CSMD2: variants seen among roughly 807,000 people sequenced by gnomAD.
CSMD2 encodes the protein CUB and Sushi multiple domains 2.
Under a neutral mutation model 398.5 loss-of-function variants are expected in CSMD2, and 130 were observed. The ratio of observed to expected loss-of-function variants is 0.33; its 90% CI spans 0.28 to 0.38. The LOEUF (loss-of-function observed/expected upper bound fraction) is 0.38, where lower values mean the gene tolerates loss of function less well. Ranked by LOEUF, CSMD2 falls within the 10% of genes least tolerant of loss-of-function variation. CSMD2 has a pLI of 1.00. For missense variants in CSMD2, 3,829 were observed against 4,764.9 expected, an observed-to-expected ratio of 0.80 and a Z score of 5.78; for synonymous variants, 1,828 against 1,908.5, an observed-to-expected ratio of 0.96 and a Z score of 1.10.
In CSMD2 at chr1:33,679,288, G is replaced by A. The variant is rs893900323; in HGVS notation, c.4052+13642C>T. ...GCCATCTTGGCTCACTGCAATCTCCGCCCCCTGGGTTCAAGCGATTCTCCT... is the reference window on the plus strand; with the variant it reads ...GCCATCTTGGCTCACTGCAATCTCCACCCCCTGGGTTCAAGCGATTCTCCT... On this transcript the variant is annotated intron_variant, in intron 25 of 70. Coordinates refer to ENST00000373381, the MANE Select transcript of CSMD2 (RefSeq NM_001281956.2). Among the ~76,000 whole-genome samples, 14 of 137,416 alleles carry A rather than the reference G, an allele frequency of 1.0e-4. No individual in the cohort carries two copies. The South Asian group carries it at 1.6e-3, about 16-fold the overall frequency. 90.2% of individuals were successfully genotyped at this position (137,416 alleles called of 152,430 possible).
chr1:33,626,620 C>G, intron 32 of CSMD2, 39 bp from the exon 33 acceptor site: 1 of 1,473,186 alleles, frequency 6.8e-7, no homozygotes, highest in Non-Finnish European at 9.3e-7. Context: ...AACAGTGAGT[C>G]CAGCAGGTGG....
At chr1:33,804,969 C>T in intron 10 of CSMD2, 1 of 704,706 alleles carries the variant, frequency 1.4e-6, no homozygotes, top group Non-Finnish European at 2.6e-6. Flanking sequence ...ACCAAGGCCC[C>T]ACAGAGATAT....
intron 5 of CSMD2, among the ~76,000 whole-genome samples, chr1:33,917,057 C>T (rs1321342236): frequency 6.6e-6 from 1 of 152,152 alleles, no homozygotes; most frequent in Non-Finnish European, 1.5e-5. Flanking sequence ...GACACCTCCT[C>T]CCACCCCTAT....
chr1:33,581,899 A>G (rs1179502348), intron 47 of CSMD2, among the ~76,000 whole-genome samples: 1 of 152,164 alleles, frequency 6.6e-6, no homozygotes, highest in African/African-American at 2.4e-5. Context: ...ATATTAAACA[A>G]AGTAGAGTCA....
chr1:33,760,970 A>G (rs576634054), intron 13 of CSMD2, among the ~76,000 whole-genome samples: 1 of 152,244 alleles, frequency 6.6e-6, no homozygotes, highest in South Asian at 2.1e-4. Context: ...CTCCTCAAGG[A>G]ATGAACAGGT....
At chr1:33,718,992 G>T (rs1646265769) in intron 19 of CSMD2, among the ~76,000 whole-genome samples, 1 of 152,204 alleles carries the variant, frequency 6.6e-6, no homozygotes, top group Non-Finnish European at 1.5e-5. Context: ...GCCAGGCCTT[G>T]TGCTAAGCAC....
intron 3 of CSMD2, among the ~76,000 whole-genome samples, chr1:34,014,428 T>C (rs1392789252): frequency 6.6e-6 from 1 of 152,230 alleles, no homozygotes; most frequent in Admixed American, 6.5e-5. Context: ...TCTCCCTCAC[T>C]CTGCTCCAGG....
Position 33,629,836 on chromosome 1 carries a change from G to A in CSMD2, c.5201-3255C>T, listed in dbSNP as rs548937597. Among the ~76,000 whole-genome samples, 11 of 151,792 alleles carry A rather than the reference G, an allele frequency of 7.2e-5. No homozygotes were observed. In the East Asian group the frequency reaches 9.8e-4, roughly 13 times the overall value. On this transcript the variant is annotated intron_variant, in intron 32 of 70. Coordinates refer to ENST00000373381, the MANE Select transcript of CSMD2 (RefSeq NM_001281956.2). ...TGGCTTACTGCTACCTCCACCTCCCGGGTTCAAGTGATTCTCCTGCCTCAG... is the reference window on the plus strand; with the variant it reads ...TGGCTTACTGCTACCTCCACCTCCCAGGTTCAAGTGATTCTCCTGCCTCAG...
At chr1:34,096,124 G>A (rs1659269338) in intron 1 of CSMD2, among the ~76,000 whole-genome samples, 1 of 151,992 alleles carries the variant, frequency 6.6e-6, no homozygotes, top group Non-Finnish European at 1.5e-5. Flanking sequence ...ATCAATAAAT[G>A]TAATCCAGCA....
At chr1:33,715,719 G>A (rs893127072) in intron 20 of CSMD2, among the ~76,000 whole-genome samples, 2 of 152,164 alleles carry the variant, frequency 1.3e-5, no homozygotes, top group Admixed American at 1.3e-4. Context: ...GGGGTGCTAC[G>A]GGACAAGAAT....
At chr1:33,694,941 T>A (rs1313267498) in intron 24 of CSMD2, among the ~76,000 whole-genome samples, 2 of 152,136 alleles carry the variant, frequency 1.3e-5, no homozygotes, top group Non-Finnish European at 2.9e-5. Context: ...CTGGAAGAGT[T>A]TACTGTCTAG....
At chr1:34,042,247 T>C (rs927656841) in intron 2 of CSMD2, among the ~76,000 whole-genome samples, 3 of 152,212 alleles carry the variant, frequency 2.0e-5, no homozygotes, top group Non-Finnish European at 4.4e-5. Flanking sequence ...CACATGGAAC[T>C]TTCTGAAACT....
chr1:33,971,018 T>A (rs1645742596), intron 3 of CSMD2, among the ~76,000 whole-genome samples: 1 of 152,166 alleles, frequency 6.6e-6, no homozygotes, highest in Non-Finnish European at 1.5e-5. Context: ...CTTAGCACAG[T>A]GCCTGGCACA....
intron 25 of CSMD2, among the ~76,000 whole-genome samples, chr1:33,689,536 C>T (rs992050627): frequency 6.6e-6 from 1 of 152,172 alleles, no homozygotes; most frequent in Non-Finnish European, 1.5e-5. Flanking sequence ...CTCCCCTCCA[C>T]CCCCATAGCC....
At chr1:33,733,040 C>G (rs899095034) in intron 15 of CSMD2, among the ~76,000 whole-genome samples, 5 of 152,196 alleles carry the variant, frequency 3.3e-5, no homozygotes, top group Non-Finnish European at 5.9e-5. Flanking sequence ...GGCAGTCCAG[C>G]TCCAGAGCCT....
intron 3 of CSMD2, among the ~76,000 whole-genome samples, chr1:34,004,318 A>C (rs1489685599): frequency 1.3e-5 from 2 of 152,208 alleles, no homozygotes; most frequent in Non-Finnish European, 2.9e-5. Flanking sequence ...AAGCCAATAG[A>C]TTCCCTTTCG....
intron 1 of CSMD2, among the ~76,000 whole-genome samples, chr1:34,110,789 A>G (rs761496806): frequency 1.3e-5 from 2 of 152,204 alleles, no homozygotes; most frequent in African/African-American, 2.4e-5. Flanking sequence ...AATAACTATT[A>G]GGTACTAGGC....
chr1:33,601,036 C>T (rs375654447), intron 43 of CSMD2, 26 bp from the exon 44 acceptor site: 43 of 1,613,416 alleles, frequency 2.7e-5, no homozygotes, highest in Non-Finnish European at 3.6e-5. Flanking sequence ...AAGGTCCTGG[C>T]ATGTCACTAG....
At chr1:33,982,761 C>T (rs900591429) in intron 3 of CSMD2, among the ~76,000 whole-genome samples, 2 of 152,144 alleles carry the variant, frequency 1.3e-5, no homozygotes, top group Non-Finnish European at 2.9e-5. Context: ...ACCCTCAAGG[C>T]GCTGGATCTA....
Sources: gnomAD v4.1 joint callset for allele counts (sites outside exome capture counted in the v4.1 genomes callset) on GRCh38, gnomAD v4.1.1 for gene constraint, MANE v1.5 for transcripts, NCBI Gene and HGNC (gene_info 2026-07-23, HGNC 2026-07-21) for gene names.